HPSE2: variants seen among roughly 807,000 people sequenced by gnomAD.
HPSE2 encodes the protein inactive heparanase-2.
In HPSE2, 38 loss-of-function variants were observed where a neutral mutation model predicts 60.5. The observed-to-expected ratio is 0.63, with a 90% confidence interval of 0.48 to 0.82. The LOEUF (loss-of-function observed/expected upper bound fraction) is 0.82. Among genes scored for constraint, HPSE2 ranks in the 40% least tolerant of loss-of-function variants. HPSE2 has a pLI of 0.00. For synonymous variants in HPSE2, 295 were observed against 293.2 expected (o/e 1.01, Z -0.06); for missense variants, 713 against 740.4 (o/e 0.96, Z 0.43).
chr10:99,080,103 CT>C (rs1451538296), intron 3 of HPSE2, among the ~76,000 whole-genome samples: 1 of 152,084 alleles, frequency 6.6e-6, no homozygotes, highest in African/African-American at 2.4e-5. Context: ...TTTTGGATGT[CT>C]CAAAAAAGAA....
chr10:99,030,494 A>C (rs1277714133), intron 3 of HPSE2, among the ~76,000 whole-genome samples: 1 of 152,244 alleles, frequency 6.6e-6, no homozygotes, highest in Non-Finnish European at 1.5e-5. Flanking sequence ...GCAATAACAC[A>C]TGCTGATAAG....
rs1032984866 is a variant in HPSE2, at chr10:99,102,401, G to C, written c.610+41837C>G. The stretch of plus-strand genomic sequence containing the variant: ...ATCTAGAAGAAATGGATAAATTCCT[G>C]GACACATACACCCTCCCAAGACTAA... On this transcript the variant is annotated intron_variant, in intron 3 of 11. Coordinates refer to ENST00000370552, the MANE Select transcript of HPSE2 (RefSeq NM_021828.5). 2.5e-4 allele frequency among the ~76,000 whole-genome samples: 38 copies of C among 152,174 alleles called. No individual in the cohort carries two copies. The East Asian group carries it at 2.7e-3, about 11-fold the overall frequency.
At position 98,966,813 on chromosome 10, in the gene HPSE2, T is replaced by C. The variant is rs186819906; in HGVS notation, c.610+177425A>G. ...GCACCCAACACGTAGAAATGATAAA[T>C]GTTCAGGTGACGAATACCCTGAATA... On this transcript the variant is annotated intron_variant, in intron 3 of 11. Coordinates refer to ENST00000370552, the MANE Select transcript of HPSE2 (RefSeq NM_021828.5). Among the ~76,000 whole-genome samples the C allele has an allele frequency of 4.9e-3, 746 of 152,320 alleles. 4 individuals carry two copies. Among genetic ancestry groups the C allele is most frequent in the African/African-American group, 0.017 (710 of 41,562 alleles).
the HPSE2 span, among the ~76,000 whole-genome samples, chr10:99,268,339 A>G: frequency 6.6e-6 from 1 of 152,128 alleles, no homozygotes; most frequent in Non-Finnish European, 1.5e-5. Context: ...ACCAAAACAG[A>G]ACCTCCTTAA....
intron 6 of HPSE2, among the ~76,000 whole-genome samples, chr10:98,685,191 C>G (rs967754622): frequency 6.6e-6 from 1 of 152,118 alleles, no homozygotes; most frequent in Non-Finnish European, 1.5e-5. Flanking sequence ...AAGTTGCTGA[C>G]TTTGGTACAC....
At chr10:99,021,406 T>C (rs1455019787) in intron 3 of HPSE2, among the ~76,000 whole-genome samples, 1 of 152,168 alleles carries the variant, frequency 6.6e-6, no homozygotes, top group Non-Finnish European at 1.5e-5. Context: ...TTACTCATCT[T>C]ATAAAAGACC....
At chr10:99,258,680 T>C in the HPSE2 span, among the ~76,000 whole-genome samples, 2 of 152,116 alleles carry the variant, frequency 1.3e-5, no homozygotes, top group Non-Finnish European at 1.5e-5. Context: ...TCAAGACAAA[T>C]AGATCAGTAG....
Position 98,875,269 on chromosome 10 carries a change from T to C in HPSE2, c.611-131213A>G, listed in dbSNP as rs539170855. On this transcript the variant is annotated intron_variant, in intron 3 of 11. Transcript: ENST00000370552. ...TTTTTGAAAAGATTAACAAAATACA[T>C]GGACCACTAACTAGACTAATAAAGA... 3.9e-5 allele frequency among the ~76,000 whole-genome samples: 6 copies of C among 152,010 alleles called. No individual in the cohort carries two copies. The East Asian group carries it at 7.7e-4, about 20-fold the overall frequency.
intron 3 of HPSE2, among the ~76,000 whole-genome samples, chr10:98,959,041 T>C (rs1955581320): frequency 6.6e-6 from 1 of 151,970 alleles, no homozygotes; most frequent in Non-Finnish European, 1.5e-5. Flanking sequence ...GTATATGAAG[T>C]CAAAACCAAT....
At chr10:98,735,309 G>T (rs1457564428) in intron 4 of HPSE2, among the ~76,000 whole-genome samples, 1 of 31,162 alleles carries the variant, frequency 3.2e-5, no homozygotes, top group Admixed American at 4.1e-4. Context: ...GAGCCTGCAG[G>T]TGCATAGAAG....
chr10:98,618,624 G>T (rs774987050), intron 8 of HPSE2, among the ~76,000 whole-genome samples: 3 of 152,040 alleles, frequency 2.0e-5, no homozygotes, highest in Non-Finnish European at 4.4e-5. Context: ...TTGCTCTGTT[G>T]CCCAGGCTGG....
At chr10:98,777,797 T>C (rs758465069) in intron 3 of HPSE2, among the ~76,000 whole-genome samples, 2 of 152,190 alleles carry the variant, frequency 1.3e-5, no homozygotes, top group Non-Finnish European at 2.9e-5. Context: ...TGCTCTTTTA[T>C]GCCCTAAGCT....
In HPSE2 at chr10:98,954,618, G is replaced by A. The variant is rs577049767; in HGVS notation, c.610+189620C>T. Reference sequence around the variant, plus strand: ...TGTGTTTTTCTTTGTGGGGTCAAAAGAGATGGCAAGTTGAACACCTTTCGG... The same window carrying A: ...TGTGTTTTTCTTTGTGGGGTCAAAAAAGATGGCAAGTTGAACACCTTTCGG... On this transcript the variant is annotated intron_variant, in intron 3 of 11. Coordinates refer to ENST00000370552, the MANE Select transcript of HPSE2 (RefSeq NM_021828.5). 4.1e-4 allele frequency among the ~76,000 whole-genome samples: 63 copies of A among 152,246 alleles called. 1 individual carries two copies. Among genetic ancestry groups the A allele is most frequent in the Admixed American group, 2.4e-3 (37 of 15,294 alleles).
chr10:98,628,708 A>G (rs1033606539), intron 7 of HPSE2, among the ~76,000 whole-genome samples: 5 of 152,100 alleles, frequency 3.3e-5, no homozygotes, highest in African/African-American at 9.7e-5. Context: ...GCTGCTCTGA[A>G]TCCTTGGGCC....
chr10:98,521,694 T>C lies in HPSE2; in HGVS notation c.1321-31498A>G, dbSNP rs12049720. Among the ~76,000 whole-genome samples, 38 of 152,280 alleles carry C rather than the reference T, an allele frequency of 2.5e-4. No individual in the cohort carries two copies. In the East Asian group the frequency reaches 6.4e-3, roughly 25 times the overall value. On this transcript the variant is annotated intron_variant, in intron 9 of 11. Transcript: ENST00000370552. ...AAAGACACATGCACACATACGATTA[T>C]TGCGGCACTCTTCACAATAGCAAGG...
At chr10:98,841,937 G>C (rs1246183384) in intron 3 of HPSE2, among the ~76,000 whole-genome samples, 2 of 151,998 alleles carry the variant, frequency 1.3e-5, no homozygotes, top group African/African-American at 2.4e-5. Context: ...CTCCAGAGTA[G>C]CTGGGACTAC....
At chr10:99,086,379 G>A (rs1411128794) in intron 3 of HPSE2, among the ~76,000 whole-genome samples, 1 of 114,148 alleles carries the variant, frequency 8.8e-6, no homozygotes, top group African/African-American at 3.3e-5. Context: ...TTGAGACGGA[G>A]TCTCGCTCTG....
chr10:98,552,996 A>G (rs546859674), intron 9 of HPSE2, among the ~76,000 whole-genome samples: 12 of 152,350 alleles, frequency 7.9e-5, no homozygotes, highest in African/African-American at 2.6e-4. Flanking sequence ...AAAGACCCTT[A>G]ATAAAAATTG....
rs555589939 is a variant in HPSE2 at position 98,940,210 on chromosome 10, G to C, written c.611-196154C>G. On this transcript the variant is annotated intron_variant, in intron 3 of 11. Transcript: ENST00000370552. ...GAACAAACACATTCAAAAGCTAGTAGAAGGCAAGAAATAACTAAAACCAGA... is the reference window on the plus strand; with the variant it reads ...GAACAAACACATTCAAAAGCTAGTACAAGGCAAGAAATAACTAAAACCAGA... Among the ~76,000 whole-genome samples, 20 of 143,570 alleles carry C rather than the reference G, an allele frequency of 1.4e-4. 4 individuals carry two copies. Among genetic ancestry groups the C allele is most frequent in the African/African-American group, 5.4e-4 (19 of 35,242 alleles). The allele number at this position is 143,570 out of a possible 152,430, so 94.2% of individuals were successfully genotyped here.
Sources: allele counts gnomAD v4.1 joint callset (sites outside exome capture counted in the v4.1 genomes callset), GRCh38; gene constraint gnomAD v4.1.1; transcripts MANE v1.5; gene names NCBI Gene and HGNC (gene_info 2026-07-23, HGNC 2026-07-21).